Variants in DISC1 observed in about 807,000 individuals in gnomAD.
The protein encoded by DISC1 is disrupted in schizophrenia 1 protein.
In DISC1, 57 loss-of-function variants were observed where a neutral mutation model predicts 84.5. The ratio of observed to expected loss-of-function variants is 0.67; its 90% CI spans 0.55 to 0.84. The LOEUF is 0.84. DISC1 is among the 40% of genes least tolerant of loss of function. The pLI is 0.00. For synonymous variants in DISC1, 411 were observed against 415.2 expected, an observed-to-expected ratio of 0.99 and a Z score of 0.12; for missense variants, 1,000 against 1,057.8, an observed-to-expected ratio of 0.95 and a Z score of 0.76.
chr1:231,648,511 A>T (rs1243731182), intron 1 of DISC1, among the ~76,000 whole-genome samples: 1 of 152,150 alleles, frequency 6.6e-6, no homozygotes, highest in African/African-American at 2.4e-5. Context: ...ATATTGGTCT[A>T]AAATTCTCTT....
chr1:231,856,389 T>C (rs1460333415), intron 9 of DISC1, among the ~76,000 whole-genome samples: 3 of 152,062 alleles, frequency 2.0e-5, no homozygotes, highest in Non-Finnish European at 4.4e-5. Context: ...CAGTTGGTAA[T>C]GAAATGCTGT....
chr1:231,796,966 C>T (rs2078814120), intron 7 of DISC1, among the ~76,000 whole-genome samples: 1 of 152,166 alleles, frequency 6.6e-6, no homozygotes. Flanking sequence ...ATCCTCCTGC[C>T]TCAGTGTGTC....
chr1:231,994,957 G>T (rs1194446613), intron 10 of DISC1, among the ~76,000 whole-genome samples: 2 of 152,130 alleles, frequency 1.3e-5, no homozygotes, highest in Admixed American at 6.6e-5. Flanking sequence ...AGAGAGGGTA[G>T]TTTCAACCAA....
At chr1:232,019,161 C>T (rs560283279) in intron 11 of DISC1, among the ~76,000 whole-genome samples, 7 of 152,248 alleles carry the variant, frequency 4.6e-5, no homozygotes, top group Admixed American at 3.9e-4. Context: ...GGAACTCCTC[C>T]TACCCAGAAG....
At position 232,026,467 on chromosome 1, in the gene DISC1, A is replaced by G; in HGVS notation, c.2340A>G (p.Glu780=). ...ACATCCTTTCTGCAGAACTTGGAGA[A>G]AAGTGTGAAGACATAGGCAAGAAGC... ...ESYILSAELG[E]KCEDIGKKLL... Residue 780 remains glutamate (E), a synonymous_variant, in exon 12 of 13, where the codon GAA becomes GAG. Transcript: ENST00000439617. The G allele has an allele frequency of 1.9e-6, 3 of 1,607,844 alleles. No homozygotes were observed. The highest frequency in any genetic ancestry group is 2.2e-5 in the South Asian group (2 of 89,316).
At chr1:231,761,778 A>C (rs1450347324) in intron 4 of DISC1, among the ~76,000 whole-genome samples, 1 of 152,238 alleles carries the variant, frequency 6.6e-6, no homozygotes, top group Non-Finnish European at 1.5e-5. Context: ...TGCAATAGAA[A>C]AGTGAATATA....
chr1:231,818,139 T>G (rs950935337), intron 8 of DISC1, among the ~76,000 whole-genome samples, 190 bp from the exon 9 acceptor site: 7 of 152,224 alleles, frequency 4.6e-5, no homozygotes, highest in African/African-American at 1.7e-4. Flanking sequence ...GACGGTGATT[T>G]TTCCAGTTTA....
At chr1:231,764,522 A>G (rs973472403) in intron 4 of DISC1, among the ~76,000 whole-genome samples, 3 of 152,204 alleles carry the variant, frequency 2.0e-5, no homozygotes, top group African/African-American at 4.8e-5. Context: ...ACTTTTTGCC[A>G]TAAAACCTGC....
At chr1:231,945,049 A>T (rs1248320481) in intron 9 of DISC1, 1 of 152,206 alleles carries the variant, frequency 6.6e-6, no homozygotes. Flanking sequence ...CAGAAAATTA[A>T]CAAGGATATT....
chr1:231,889,333 C>G (rs994591954), intron 9 of DISC1, among the ~76,000 whole-genome samples: 5 of 152,018 alleles, frequency 3.3e-5, no homozygotes, highest in African/African-American at 1.2e-4. Context: ...CTAGGCAAGA[C>G]TTAGAGTATT....
At position 231,693,812 on chromosome 1, in the gene DISC1, T is replaced by C. The variant is rs1320660865; in HGVS notation, c.68-14T>C. On this transcript the variant is annotated splice_polypyrimidine_tract_variant and intron_variant, in intron 1 of 12. Transcript: ENST00000439617. ...TCTGCATGTTTATGGTGCTGTTTTTTCTTTTCTTCCCAGGCAGCCGGGATT... is the reference window on the plus strand; with the variant it reads ...TCTGCATGTTTATGGTGCTGTTTTTCCTTTTCTTCCCAGGCAGCCGGGATT... 1.2e-6 allele frequency: 2 copies of C among 1,612,778 alleles called. No individual in the cohort carries two copies. The highest frequency in any genetic ancestry group is 1.7e-5 in the Admixed American group (1 of 60,022).
chr1:231,895,128 T>A (rs1004405168), intron 9 of DISC1, among the ~76,000 whole-genome samples: 2 of 151,650 alleles, frequency 1.3e-5, no homozygotes, highest in Non-Finnish European at 2.9e-5. Context: ...CCTTTAGAAC[T>A]GAGTATTTTT....
At chr1:231,689,898 T>C (rs1337885449) in intron 1 of DISC1, among the ~76,000 whole-genome samples, 1 of 152,036 alleles carries the variant, frequency 6.6e-6, no homozygotes, top group Non-Finnish European at 1.5e-5. Context: ...TATGGACAAT[T>C]GGTGAAGCCC....
chr1:231,984,066 C>A (rs376253648), intron 10 of DISC1, among the ~76,000 whole-genome samples: 1 of 152,212 alleles, frequency 6.6e-6, no homozygotes, highest in Non-Finnish European at 1.5e-5. Flanking sequence ...AGCAGTCAGT[C>A]TAACTCCAAA....
chr1:231,921,152 G>A (rs1489373608), intron 9 of DISC1, among the ~76,000 whole-genome samples: 2 of 151,628 alleles, frequency 1.3e-5, no homozygotes, highest in Admixed American at 6.6e-5. Context: ...CTGACCTCGT[G>A]ATCTGCCCGC....
At chr1:231,758,542 C>T (rs1043167070) in intron 4 of DISC1, among the ~76,000 whole-genome samples, 4 of 152,092 alleles carry the variant, frequency 2.6e-5, no homozygotes, top group Non-Finnish European at 5.9e-5. Context: ...TGAGCAGCCC[C>T]AGGGGTAGGA....
intron 6 of DISC1, among the ~76,000 whole-genome samples, chr1:231,793,105 T>C (rs2759355): frequency 1.3e-5 from 2 of 152,156 alleles, no homozygotes; most frequent in African/African-American, 2.4e-5. Context: ...AAGTGACAAA[T>C]TGGTGGATGT....
intron 6 of DISC1, among the ~76,000 whole-genome samples, chr1:231,781,576 AT>A (rs2077436550): frequency 6.6e-6 from 1 of 152,204 alleles, no homozygotes; most frequent in South Asian, 2.1e-4. Context: ...CATGTGACCT[AT>A]TTTAAGTCTT....
intron 9 of DISC1, among the ~76,000 whole-genome samples, chr1:231,948,861 A>ATTTT (rs58931988): frequency 1.3e-4 from 12 of 94,452 alleles, no homozygotes; most frequent in South Asian, 3.8e-4. Flanking sequence ...TCCTGTGTTA[A>ATTTT]TTTTTTTTTT....
Sources: allele counts gnomAD v4.1 joint callset (sites outside exome capture counted in the v4.1 genomes callset), GRCh38; gene constraint gnomAD v4.1.1; transcripts MANE v1.5; gene names NCBI Gene and HGNC (gene_info 2026-07-23, HGNC 2026-07-21).